UGT2A1: variants seen among roughly 807,000 people sequenced by gnomAD.
UGT2A1 encodes the protein UDP glucuronosyltransferase family 2 member A1 complex locus.
A neutral mutation model predicts 45.4 loss-of-function variants in UGT2A1; 61 were observed. The observed-to-expected ratio is 1.34, with a 90% CI of 1.09 to 1.66. The LOEUF (loss-of-function observed/expected upper bound fraction) is 1.66, where lower values mean the gene tolerates loss of function less well. UGT2A1 is among the 40% of genes most tolerant of loss of function. UGT2A1 has a pLI of 0.00. For missense variants in UGT2A1, 649 were observed against 574.3 expected (o/e 1.13, Z -1.33); for synonymous variants, 229 against 196.2 (o/e 1.17, Z -1.40).
chr4:69,639,126 A>G (rs780211859), intron 2 of UGT2A1: 2 of 1,613,680 alleles, frequency 1.2e-6, no homozygotes, highest in Non-Finnish European at 8.5e-7. Context: ...TGGAATTCCT[A>G]ATTTCAGAGC....
chr4:69,639,346 T>C (rs894625096), intron 2 of UGT2A1: 10 of 1,613,632 alleles, frequency 6.2e-6, no homozygotes, highest in Non-Finnish European at 7.6e-6. Context: ...AGCATTATCA[T>C]ATGCTCAATT....
At chr4:69,610,830 C>A (rs889721597) in intron 3 of UGT2A1, among the ~76,000 whole-genome samples, 3 of 152,118 alleles carry the variant, frequency 2.0e-5, no homozygotes, top group East Asian at 1.9e-4. Context: ...AGAAAATAAA[C>A]CTTTGTTATT....
intron 3 of UGT2A1, among the ~76,000 whole-genome samples, chr4:69,615,904 C>T (rs932277639): frequency 1.3e-5 from 2 of 151,980 alleles, no homozygotes; most frequent in Non-Finnish European, 1.5e-5. Context: ...AATCACACTG[C>T]TGGGTATATA....
intron 3 of UGT2A1, among the ~76,000 whole-genome samples, chr4:69,635,307 T>C (rs1050756176): frequency 1.3e-5 from 2 of 152,162 alleles, no homozygotes; most frequent in Non-Finnish European, 2.9e-5. Flanking sequence ...CTGGGCTTTC[T>C]GCTCTCCCGA....
intron 2 of UGT2A1, among the ~76,000 whole-genome samples, chr4:69,643,533 A>G (rs1722130759): frequency 1.3e-5 from 2 of 151,670 alleles, no homozygotes; most frequent in Admixed American, 1.3e-4. Context: ...AAATATATGT[A>G]AATCACTTAT....
At chr4:69,632,378 C>T (rs1721435478) in intron 3 of UGT2A1, among the ~76,000 whole-genome samples, 2 of 152,064 alleles carry the variant, frequency 1.3e-5, no homozygotes, top group African/African-American at 4.8e-5. Context: ...AGTTTACACA[C>T]AGCACCTTTC....
In UGT2A1 at chr4:69,608,929, T is replaced by A. The variant is rs376661357; in HGVS notation, c.848-9535A>T. Among the ~76,000 whole-genome samples the A allele has an allele frequency of 8.5e-5, 13 of 152,282 alleles. No individual in the cohort carries two copies. In the South Asian group the frequency reaches 2.7e-3, roughly 32 times the overall value. Reference sequence around the variant, plus strand: ...AAAGTAAAAGCAAAACCATAGCTTCTATTAAGACAGCATAAAAATCCTTTT... The same window carrying A: ...AAAGTAAAAGCAAAACCATAGCTTCAATTAAGACAGCATAAAAATCCTTTT... On this transcript the variant is annotated intron_variant, in intron 3 of 6. Coordinates refer to ENST00000286604, the MANE Select transcript of UGT2A1 (RefSeq NM_001252275.3).
intron 6 of UGT2A1, among the ~76,000 whole-genome samples, chr4:69,592,465 G>C (rs1028144124): frequency 7.2e-5 from 11 of 152,184 alleles, no homozygotes; most frequent in Non-Finnish European, 1.6e-4. Flanking sequence ...CAATAATAGC[G>C]GGAGGGTAAT....
At chr4:69,634,631 A>G (rs1373635161) in intron 3 of UGT2A1, among the ~76,000 whole-genome samples, 2 of 152,160 alleles carry the variant, frequency 1.3e-5, no homozygotes, top group Non-Finnish European at 2.9e-5. Flanking sequence ...ATCACTTTAT[A>G]TATTTTACCA....
At chr4:69,615,932 G>C (rs565532087) in intron 3 of UGT2A1, among the ~76,000 whole-genome samples, 6 of 152,114 alleles carry the variant, frequency 3.9e-5, no homozygotes, top group Non-Finnish European at 7.4e-5. Flanking sequence ...AAAGGAATCA[G>C]TATATCAAAG....
At chr4:69,595,931 T>G (rs1010538552) in intron 4 of UGT2A1, among the ~76,000 whole-genome samples, 4 of 152,150 alleles carry the variant, frequency 2.6e-5, no homozygotes, top group African/African-American at 9.7e-5. Flanking sequence ...TTCAAAACTT[T>G]TGAAAGTAGT....
intron 6 of UGT2A1, among the ~76,000 whole-genome samples, chr4:69,590,603 C>T (rs531270362): frequency 2.6e-5 from 4 of 151,646 alleles, no homozygotes; most frequent in Admixed American, 2.6e-4. Context: ...CATGGTACAA[C>T]TAGATTCAGC....
intron 1 of UGT2A1, among the ~76,000 whole-genome samples, chr4:69,648,162 AAAT>A (rs1178906690): frequency 6.7e-6 from 1 of 150,330 alleles, no homozygotes; most frequent in Non-Finnish European, 1.5e-5. Flanking sequence ...TAAGATTGTC[AAAT>A]AATATGTATA....
intron 1 of UGT2A1, among the ~76,000 whole-genome samples, chr4:69,652,046 C>T (rs1365660795): frequency 6.6e-6 from 1 of 152,118 alleles, no homozygotes; most frequent in Admixed American, 6.6e-5. Context: ...AAATAAACTT[C>T]CGCTCCTGCT....
At chr4:69,621,512 C>T (rs778832959) in intron 3 of UGT2A1, among the ~76,000 whole-genome samples, 2 of 151,742 alleles carry the variant, frequency 1.3e-5, no homozygotes, top group Non-Finnish European at 2.9e-5. Context: ...CAGATGCTGG[C>T]GAGGTTGCAG....
chr4:69,643,791 G>A (rs1019634843), intron 2 of UGT2A1, among the ~76,000 whole-genome samples: 2 of 151,450 alleles, frequency 1.3e-5, no homozygotes, highest in Non-Finnish European at 3.0e-5. Context: ...AGGCCTGAGT[G>A]GATATAAATT....
chr4:69,649,498 A>C (rs1722423385), intron 1 of UGT2A1, among the ~76,000 whole-genome samples: 1 of 152,242 alleles, frequency 6.6e-6, no homozygotes, highest in East Asian at 1.9e-4. Flanking sequence ...ACTAAAATAT[A>C]GTATTTTATT....
At chr4:69,639,781 T>A (rs1385181446) in intron 2 of UGT2A1, 1 of 840,854 alleles carries the variant, frequency 1.2e-6, no homozygotes, top group African/African-American at 1.8e-5. Flanking sequence ...ATAATATAAT[T>A]CAAATTCCTA....
intron 3 of UGT2A1, among the ~76,000 whole-genome samples, chr4:69,630,727 T>C (rs190756212): frequency 2.7e-4 from 41 of 152,252 alleles, no homozygotes; most frequent in African/African-American, 9.4e-4. Context: ...AAATTATATA[T>C]GTTTTATTAT....
Sources: gnomAD v4.1 joint callset for allele counts (sites outside exome capture counted in the v4.1 genomes callset) on GRCh38, gnomAD v4.1.1 for gene constraint, MANE v1.5 for transcripts, NCBI Gene and HGNC (gene_info 2026-07-23, HGNC 2026-07-21) for gene names.